The following CSRNP3 variants were observed in gnomAD, a reference collection of about 807,000 sequenced individuals.
The protein encoded by CSRNP3 is cysteine/serine-rich nuclear protein 3.
Under a neutral mutation model 48.0 loss-of-function variants are expected in CSRNP3, and 12 were observed. The ratio of observed to expected loss-of-function variants is 0.25; its 90% CI spans 0.16 to 0.41. The LOEUF (loss-of-function observed/expected upper bound fraction) is 0.41, where lower values mean the gene tolerates loss of function less well. Ranked by LOEUF, CSRNP3 falls within the 10% of genes least tolerant of loss-of-function variation. The pLI, the probability that CSRNP3 is intolerant of heterozygous loss-of-function variation, is 1.00. For synonymous variants in CSRNP3, 263 were observed against 269.7 expected (o/e 0.98, Z 0.24); for missense variants, 580 against 724.4 (o/e 0.80, Z 2.29).
chr2:165,526,622 T>C (rs1558925300), intron 3 of CSRNP3, among the ~76,000 whole-genome samples: 2 of 152,328 alleles, frequency 1.3e-5, no homozygotes, highest in East Asian at 1.9e-4. Context: ...TAAGGTCTTA[T>C]TGAACTTTGA....
At chr2:165,517,639 A>G (rs2105231959) in intron 2 of CSRNP3, among the ~76,000 whole-genome samples, 1 of 152,112 alleles carries the variant, frequency 6.6e-6, no homozygotes, top group African/African-American at 2.4e-5. Context: ...AGATAAATAA[A>G]TGAGTTAAAC....
intron 4 of CSRNP3, among the ~76,000 whole-genome samples, chr2:165,618,940 C>T (rs1315124549): frequency 6.6e-6 from 1 of 152,118 alleles, no homozygotes; most frequent in African/African-American, 2.4e-5. Flanking sequence ...CGGTAACATG[C>T]TAGGAATACA....
chr2:165,577,272 CTT>C (rs1558939045), intron 3 of CSRNP3, among the ~76,000 whole-genome samples: 1 of 151,700 alleles, frequency 6.6e-6, no homozygotes, highest in South Asian at 2.1e-4. Flanking sequence ...AAACAATTGT[CTT>C]TTTATTGCCT....
chr2:165,618,091 G>A (rs1026328), intron 4 of CSRNP3, among the ~76,000 whole-genome samples: 80,881 of 152,102 alleles, frequency 0.53, 21,992 homozygotes, highest in Admixed American at 0.61. Context: ...CTCTAGAACA[G>A]TGTAGTAATG....
chr2:165,519,066 T>A (rs1346666053), intron 3 of CSRNP3, among the ~76,000 whole-genome samples: 2 of 152,124 alleles, frequency 1.3e-5, no homozygotes, highest in African/African-American at 4.8e-5. Context: ...TAGCCTAGAA[T>A]ACTGGCAGCT....
rs1181639285 is a variant in CSRNP3 at position 165,602,888 on chromosome 2, A to AT, written c.148+7682dup. ...CCTCAGAATCTCCTGATGTTTCTTT[A>AT]TTTTTTTATTTTTTTTAATTTTTTT... is the stretch of plus-strand genomic sequence containing the variant. On this transcript the variant is annotated intron_variant, in intron 4 of 6. Transcript: ENST00000651982. Among the ~76,000 whole-genome samples, 7 of 151,498 alleles carry AT rather than the reference A, an allele frequency of 4.6e-5. No homozygotes were observed. In the South Asian group the frequency reaches 1.0e-3, roughly 23 times the overall value.
intron 1 of CSRNP3, among the ~76,000 whole-genome samples, chr2:165,474,594 G>T (rs773324471): frequency 6.6e-6 from 1 of 152,118 alleles, no homozygotes; most frequent in African/African-American, 2.4e-5. Context: ...AAATTAAGGC[G>T]CAGAGAGGAC....
In CSRNP3 at chr2:165,519,891, T is replaced by A. The variant is rs1355905129; in HGVS notation, c.-24+1930T>A. On this transcript the variant is annotated intron_variant, in intron 3 of 6. Coordinates refer to ENST00000651982, the MANE Select transcript of CSRNP3 (RefSeq NM_001172173.2). ...AGCAGAGGTAGAATTTTTAAATAAA[T>A]CTAATGACTTTGCACTACATAATTT... Among the ~76,000 whole-genome samples, 120 of 152,126 alleles carry A rather than the reference T, an allele frequency of 7.9e-4. 2 individuals are homozygous for A. The highest frequency in any genetic ancestry group is 5.9e-5 in the Non-Finnish European group (4 of 67,994).
chr2:165,591,512 G>T (rs1574852712), intron 3 of CSRNP3, among the ~76,000 whole-genome samples: 1 of 152,178 alleles, frequency 6.6e-6, no homozygotes, highest in East Asian at 1.9e-4. Flanking sequence ...CTTCAGGGAA[G>T]CTCCTCCCAT....
chr2:165,551,385 A>T (rs1268156550), intron 3 of CSRNP3, among the ~76,000 whole-genome samples: 1 of 152,192 alleles, frequency 6.6e-6, no homozygotes, highest in Non-Finnish European at 1.5e-5. Flanking sequence ...GTCTCCCTCT[A>T]TACCCAAGTG....
Position 165,688,753 on chromosome 2 carries a change from T to A in CSRNP3, c.*9000T>A, listed in dbSNP as rs1687670712. On this transcript the variant is annotated 3_prime_UTR_variant, in exon 7 of 7. Transcript: ENST00000651982. ...GGGAATGGTCCTTACACAAGGGAAG[T>A]CTTTTGAGAATATTTGTTCTCTTAT... The A allele has an allele frequency of 6.6e-6, 1 of 152,058 alleles. No homozygotes were observed. Among genetic ancestry groups the A allele is most frequent in the Non-Finnish European group, 1.5e-5 (1 of 67,992 alleles). 9.4% of individuals were successfully genotyped at this position (152,058 alleles called of 1,614,324 possible).
chr2:165,656,278 T>C (rs1687003146), intron 4 of CSRNP3, among the ~76,000 whole-genome samples: 1 of 152,190 alleles, frequency 6.6e-6, no homozygotes, highest in Non-Finnish European at 1.5e-5. Context: ...ACCAGATGAT[T>C]CTACCATGGC....
intron 2 of CSRNP3, among the ~76,000 whole-genome samples, chr2:165,501,566 T>C (rs1466890223): frequency 1.3e-5 from 2 of 152,074 alleles, no homozygotes; most frequent in African/African-American, 4.8e-5. Flanking sequence ...GAATAGCGAG[T>C]GTTATTGAGC....
chr2:165,659,003 C>T (rs987674218), intron 5 of CSRNP3, among the ~76,000 whole-genome samples: 5 of 152,102 alleles, frequency 3.3e-5, no homozygotes, highest in African/African-American at 7.2e-5. Context: ...AATGAAGTAA[C>T]GTGAAGGAGG....
In CSRNP3 at chr2:165,678,855, C is replaced by A. The variant is rs3731764; in HGVS notation, c.860C>A (p.Thr287Lys). 5 of 1,614,064 alleles carry A rather than the reference C, an allele frequency of 3.1e-6. No homozygotes were observed. The highest frequency in any genetic ancestry group is 4.2e-6 in the Non-Finnish European group (5 of 1,180,004). ...AAAAACCGAGAGCAGCAAATCCCCACGCTGAATGGCTGCCACAGTGAGATA... is the reference window on the plus strand; with the variant it reads ...AAAAACCGAGAGCAGCAAATCCCCAAGCTGAATGGCTGCCACAGTGAGATA... The part of the protein sequence containing the change: ...LEKNREQQIP[T>K]LNGCHSEISA... Residue 287 changes from threonine (T) to lysine (K), a missense_variant, in exon 7 of 7, where the codon ACG becomes AAG. Coordinates refer to ENST00000651982, the MANE Select transcript of CSRNP3 (RefSeq NM_001172173.2).
chr2:165,572,523 G>C (rs1685388930), intron 3 of CSRNP3: 1 of 152,146 alleles, frequency 6.6e-6, no homozygotes, highest in Admixed American at 6.6e-5. Context: ...ATGATAAAAT[G>C]ATCATTTATT....
intron 3 of CSRNP3, among the ~76,000 whole-genome samples, chr2:165,546,438 G>A (rs1026614693): frequency 6.6e-6 from 1 of 151,974 alleles, no homozygotes; most frequent in African/African-American, 2.4e-5. Context: ...TGATCCACCC[G>A]CCTAGGCCTC....
intron 2 of CSRNP3, 30 bp from the exon 3 acceptor site, chr2:165,517,843 A>G (rs539859167): frequency 6.6e-6 from 1 of 152,516 alleles, no homozygotes; most frequent in Admixed American, 6.5e-5. Context: ...AACCTTACAT[A>G]ACATTCTGAA....
rs1471298148 is a variant in CSRNP3, at chr2:165,688,121, A to C, written c.*8368A>C. The C allele has an allele frequency of 1.3e-5, 2 of 151,776 alleles. No homozygotes were observed. The highest frequency in any genetic ancestry group is 6.6e-5 in the Admixed American group (1 of 15,196). The allele number at this position is 151,776 out of a possible 1,614,324, so 9.4% of individuals were successfully genotyped here. On this transcript the variant is annotated 3_prime_UTR_variant, in exon 7 of 7. Coordinates refer to ENST00000651982, the MANE Select transcript of CSRNP3 (RefSeq NM_001172173.2). The stretch of plus-strand genomic sequence containing the variant: ...TAAAATTTGGCCCATGTTTTAATTG[A>C]CTCTAGGCACCTCTATTGAAATAAG...
Sources: gnomAD v4.1 joint callset for allele counts (sites outside exome capture counted in the v4.1 genomes callset) on GRCh38, gnomAD v4.1.1 for gene constraint, MANE v1.5 for transcripts, NCBI Gene and HGNC (gene_info 2026-07-23, HGNC 2026-07-21) for gene names.